HHAT: variants seen among roughly 807,000 people sequenced by gnomAD.
HHAT encodes hedgehog acyltransferase.
In HHAT, 47 loss-of-function variants were observed where a neutral mutation model predicts 70.8. The observed-to-expected ratio is 0.66, with a 90% CI of 0.53 to 0.85. HHAT has a LOEUF of 0.85. Ranked by LOEUF, HHAT falls within the 40% of genes least tolerant of loss-of-function variation. The pLI is 0.00. For synonymous variants in HHAT, 228 were observed against 247.6 expected (o/e 0.92, Z 0.74); for missense variants, 609 against 604.8 (o/e 1.01, Z -0.07).
chr1:210,606,908 G>GC (rs754591464), intron 10 of HHAT, among the ~76,000 whole-genome samples: 120 of 152,230 alleles, frequency 7.9e-4, no homozygotes, highest in Non-Finnish European at 1.3e-3. Flanking sequence ...TATGCATTCT[G>GC]TTTTTTGCTC....
chr1:210,360,420 C>G (rs1325341726), intron 2 of HHAT, among the ~76,000 whole-genome samples: 1 of 151,780 alleles, frequency 6.6e-6, no homozygotes, highest in African/African-American at 2.4e-5. Context: ...AAGCAATTCT[C>G]TTGCCTCAGC....
chr1:210,490,109 T>G (rs1440422283), intron 8 of HHAT, among the ~76,000 whole-genome samples: 1 of 152,246 alleles, frequency 6.6e-6, no homozygotes, highest in Non-Finnish European at 1.5e-5. Flanking sequence ...ACCAGTATCA[T>G]GTCCTCTGGA....
intron 9 of HHAT, among the ~76,000 whole-genome samples, chr1:210,577,575 G>A (rs1195448776): frequency 6.7e-6 from 1 of 148,430 alleles, no homozygotes; most frequent in Non-Finnish European, 1.5e-5. Flanking sequence ...GTTGAATTTG[G>A]TTTGCTAGTA....
chr1:210,498,762 G>GTTTT (rs67506355), intron 8 of HHAT, among the ~76,000 whole-genome samples: 2 of 143,692 alleles, frequency 1.4e-5, no homozygotes, highest in African/African-American at 2.6e-5. Flanking sequence ...CTTGCAGTCT[G>GTTTT]TTTTTTTTTT....
intron 7 of HHAT, among the ~76,000 whole-genome samples, chr1:210,439,394 C>A (rs1236794303): frequency 6.6e-6 from 1 of 151,772 alleles, no homozygotes; most frequent in Non-Finnish European, 1.5e-5. Flanking sequence ...TACATATGGG[C>A]AGCTGTGGTG....
At chr1:210,348,736 C>T (rs80140939) in intron 1 of HHAT, among the ~76,000 whole-genome samples, 197 bp from the exon 2 acceptor site, 283 of 148,032 alleles carry the variant, frequency 1.9e-3, no homozygotes, top group African/African-American at 4.7e-3. Flanking sequence ...TGTATGTGTG[C>T]GTGTGTGTGT....
rs556814469 is a variant in HHAT, at chr1:210,433,879, G to A, written c.856+15554G>A. 1.2e-3 allele frequency among the ~76,000 whole-genome samples: 177 copies of A among 152,088 alleles called. 2 individuals are homozygous for A. Among genetic ancestry groups the A allele is most frequent in the Non-Finnish European group, 1.9e-3 (128 of 68,026 alleles). On this transcript the variant is annotated intron_variant, in intron 7 of 11. Transcript: ENST00000261458. ...TCTTCCTGAGCACTGCCTGGGCAGG[G>A]CATTGGGCTGTGGATGTTGTCCACA...
intron 2 of HHAT, among the ~76,000 whole-genome samples, chr1:210,357,075 A>G (rs2087713161): frequency 6.6e-6 from 1 of 152,196 alleles, no homozygotes; most frequent in Non-Finnish European, 1.5e-5. Flanking sequence ...TTCACATTAT[A>G]TTTGGCTGTG....
chr1:210,441,561 G>C (rs926617798), intron 7 of HHAT, among the ~76,000 whole-genome samples: 4 of 152,122 alleles, frequency 2.6e-5, no homozygotes, highest in Non-Finnish European at 5.9e-5. Flanking sequence ...AGTCAAGCTT[G>C]TCTTTAGATT....
chr1:210,566,664 A>G (rs1654824794), intron 9 of HHAT, among the ~76,000 whole-genome samples: 1 of 152,018 alleles, frequency 6.6e-6, no homozygotes, highest in South Asian at 2.1e-4. Context: ...CAGAGGGGAG[A>G]TCGGCCGCTA....
At chr1:210,332,485 C>T (rs984894366) in intron 1 of HHAT, among the ~76,000 whole-genome samples, 5 of 152,250 alleles carry the variant, frequency 3.3e-5, no homozygotes, top group African/African-American at 9.6e-5. Flanking sequence ...CCTCAATATC[C>T]GCTGCTATTT....
At chr1:210,623,771 T>C in intron 11 of HHAT, 101 bp downstream of exon 11, 2 of 1,260,112 alleles carry the variant, frequency 1.6e-6, no homozygotes, top group Non-Finnish European at 2.2e-6. Flanking sequence ...AAGTCATTCA[T>C]TGTTATGTTC....
intron 8 of HHAT, among the ~76,000 whole-genome samples, chr1:210,509,623 G>A (rs1250920176): frequency 6.6e-6 from 1 of 152,094 alleles, no homozygotes; most frequent in Non-Finnish European, 1.5e-5. Context: ...TGTGTAGAAT[G>A]GATGAGTGCC....
At chr1:210,536,334 T>A (rs911086554) in intron 9 of HHAT, among the ~76,000 whole-genome samples, 1 of 152,268 alleles carries the variant, frequency 6.6e-6, no homozygotes, top group Non-Finnish European at 1.5e-5. Context: ...ATTTTGAGAA[T>A]GAGTTTCAGA....
At chr1:210,334,517 G>A (rs967334256) in intron 1 of HHAT, among the ~76,000 whole-genome samples, 3 of 151,840 alleles carry the variant, frequency 2.0e-5, no homozygotes, top group East Asian at 1.9e-4. Flanking sequence ...TTTTTAGCCC[G>A]GGTTCACAGT....
chr1:210,551,803 C>T (rs557929026), intron 9 of HHAT, among the ~76,000 whole-genome samples: 1 of 152,312 alleles, frequency 6.6e-6, no homozygotes, highest in East Asian at 1.9e-4. Flanking sequence ...AATAGACGTG[C>T]AAGCCTTGCA....
At chr1:210,453,894 C>T (rs1055115687) in intron 7 of HHAT, among the ~76,000 whole-genome samples, 8 of 152,088 alleles carry the variant, frequency 5.3e-5, no homozygotes, top group African/African-American at 1.2e-4. Context: ...AAGACATACC[C>T]GAAACTGGCA....
At chr1:210,510,373 C>G (rs1169969078) in intron 8 of HHAT, among the ~76,000 whole-genome samples, 1 of 152,172 alleles carries the variant, frequency 6.6e-6, no homozygotes, top group Non-Finnish European at 1.5e-5. Flanking sequence ...TTTTTAAAAA[C>G]TGATAGCCAT....
intron 11 of HHAT, among the ~76,000 whole-genome samples, chr1:210,650,256 A>G (rs1431005080): frequency 6.6e-6 from 1 of 152,188 alleles, no homozygotes; most frequent in Non-Finnish European, 1.5e-5. Flanking sequence ...CCTGGTTTTA[A>G]AGATGAGAAA....
Sources: allele counts gnomAD v4.1 joint callset (sites outside exome capture counted in the v4.1 genomes callset), GRCh38; gene constraint gnomAD v4.1.1; transcripts MANE v1.5; gene names NCBI Gene and HGNC (gene_info 2026-07-23, HGNC 2026-07-21).